Variants in ALKBH3 observed in about 807,000 individuals in gnomAD.
ALKBH3 encodes the protein alpha-ketoglutarate-dependent dioxygenase alkB homolog 3.
ALKBH3 carries 51 observed loss-of-function variants against 43.9 expected under a neutral mutation model. The ratio of observed to expected loss-of-function variants is 1.16; its 90% CI spans 0.93 to 1.47. The LOEUF (loss-of-function observed/expected upper bound fraction) is 1.47. Among genes scored for constraint, ALKBH3 ranks in the 40% most tolerant of loss-of-function variants. The pLI, the probability that ALKBH3 is intolerant of heterozygous loss-of-function variation, is 0.00. For synonymous variants in ALKBH3, 102 were observed against 115.2 expected, an observed-to-expected ratio of 0.89 and a Z score of 0.73; for missense variants, 361 against 351.9, an observed-to-expected ratio of 1.03 and a Z score of -0.21.
Position 43,908,451 on chromosome 11 carries a change from G to A in ALKBH3, c.669+6726G>A, listed in dbSNP as rs34581514. Among the ~76,000 whole-genome samples, 1,493 of 152,342 alleles carry A rather than the reference G, an allele frequency of 9.8e-3. 12 individuals are homozygous for A. The highest frequency in any genetic ancestry group is 0.014 in the Middle Eastern group (4 of 294). On this transcript the variant is annotated intron_variant, in intron 8 of 9. Transcript: ENST00000302708. ...GTGACTGGGCTCAGCTGGAGGTGAGGTATGGCGGAATGTGTTCTCATATGC... is the reference window on the plus strand; with the variant it reads ...GTGACTGGGCTCAGCTGGAGGTGAGATATGGCGGAATGTGTTCTCATATGC...
intron 7 of ALKBH3, among the ~76,000 whole-genome samples, chr11:43,895,696 A>G (rs1314057857): frequency 1.3e-5 from 2 of 152,234 alleles, no homozygotes; most frequent in African/African-American, 2.4e-5. Flanking sequence ...CTAAGTCTGT[A>G]TGGTATTTTC....
chr11:43,902,519 C>G (rs1951870195), intron 8 of ALKBH3, among the ~76,000 whole-genome samples: 2 of 152,208 alleles, frequency 1.3e-5, no homozygotes, highest in Admixed American at 1.3e-4. Flanking sequence ...TCTTCCTAAC[C>G]AGCATTCCTG....
At chr11:43,886,528 C>T in intron 4 of ALKBH3, 78 bp from the exon 5 acceptor site, 1 of 1,460,466 alleles carries the variant, frequency 6.8e-7, no homozygotes, top group African/African-American at 1.4e-5. Flanking sequence ...TTTGGCAGTT[C>T]AGAAGGATAA....
chr11:43,916,679 A>T (rs935019281), intron 8 of ALKBH3: 2 of 152,172 alleles, frequency 1.3e-5, no homozygotes, highest in African/African-American at 4.8e-5. Context: ...CTGTGTTTCC[A>T]CTGTTGCTTA....
At chr11:43,910,085 C>G (rs1052020370) in intron 8 of ALKBH3, 2 of 152,244 alleles carry the variant, frequency 1.3e-5, no homozygotes, top group African/African-American at 4.8e-5. Context: ...TTTTCTTCCT[C>G]TGAAATACTG....
intron 8 of ALKBH3, among the ~76,000 whole-genome samples, chr11:43,907,411 C>A (rs902125543): frequency 6.6e-6 from 1 of 152,184 alleles, no homozygotes; most frequent in Non-Finnish European, 1.5e-5. Context: ...TCCCAGTTTT[C>A]TATTACTAGT....
intron 6 of ALKBH3, among the ~76,000 whole-genome samples, chr11:43,891,834 T>C (rs1237529765): frequency 6.6e-6 from 1 of 152,216 alleles, no homozygotes; most frequent in Non-Finnish European, 1.5e-5. Flanking sequence ...CCTTTGCCCA[T>C]GTGGTGTCTG....
At chr11:43,901,408 C>A in intron 7 of ALKBH3, 108 bp from the exon 8 acceptor site, 1 of 1,256,748 alleles carries the variant, frequency 8.0e-7, no homozygotes, top group East Asian at 2.4e-5. Flanking sequence ...ATTACATGCC[C>A]TGGTTATAAC....
In ALKBH3 at chr11:43,883,403, G is replaced by A. The variant is rs532599143; in HGVS notation, c.183+215G>A. On this transcript the variant is annotated intron_variant, in intron 3 of 9. Transcript: ENST00000302708. ...CAGTTTATGGTCACATGTTATTCCC[G>A]TATTTTTGGCAAGGAGGTTACACCA... is the stretch of plus-strand genomic sequence containing the variant. Among the ~76,000 whole-genome samples the A allele has an allele frequency of 6.6e-5, 10 of 152,278 alleles. No individual in the cohort carries two copies. The East Asian group carries it at 7.7e-4, about 12-fold the overall frequency.
intron 8 of ALKBH3, among the ~76,000 whole-genome samples, chr11:43,912,740 T>G (rs1951949729): frequency 1.3e-5 from 2 of 152,252 alleles, no homozygotes; most frequent in African/African-American, 4.8e-5. Flanking sequence ...TTTAAAATCA[T>G]GGCATTTATT....
At chr11:43,883,340 T>C in intron 3 of ALKBH3, 152 bp downstream of exon 3, 1 of 628,378 alleles carries the variant, frequency 1.6e-6, no homozygotes, top group South Asian at 2.0e-5. Flanking sequence ...AATATTTCAG[T>C]TCCTTTCTAT....
chr11:43,913,632 G>A (rs1276326370), intron 8 of ALKBH3, among the ~76,000 whole-genome samples: 1 of 152,216 alleles, frequency 6.6e-6, no homozygotes, highest in Non-Finnish European at 1.5e-5. Context: ...TGAAGATGAA[G>A]TAGCACTTGT....
At chr11:43,908,655 C>T (rs1951913961) in intron 8 of ALKBH3, among the ~76,000 whole-genome samples, 1 of 152,232 alleles carries the variant, frequency 6.6e-6, no homozygotes, top group Non-Finnish European at 1.5e-5. Context: ...ACAGCTACAA[C>T]TGTGAGTGTA....
At chr11:43,896,117 G>T (rs1333103786) in intron 7 of ALKBH3, among the ~76,000 whole-genome samples, 1 of 152,114 alleles carries the variant, frequency 6.6e-6, no homozygotes, top group Non-Finnish European at 1.5e-5. Flanking sequence ...CCTCATAAAT[G>T]AGTGACGTGA....
chr11:43,899,115 A>T (rs1951841845), intron 7 of ALKBH3: 3 of 770,148 alleles, frequency 3.9e-6, no homozygotes, highest in Non-Finnish European at 7.2e-6. Context: ...TGTCTTTAAC[A>T]TCTATCACTC....
chr11:43,889,046 G>A (rs1327921020), intron 5 of ALKBH3, among the ~76,000 whole-genome samples: 2 of 150,544 alleles, frequency 1.3e-5, no homozygotes, highest in East Asian at 1.9e-4. Context: ...TTCTTTTTTC[G>A]AGATGGAGTT....
chr11:43,898,897 G>A (rs1036372094), intron 7 of ALKBH3: 10 of 753,002 alleles, frequency 1.3e-5, no homozygotes, highest in Non-Finnish European at 2.0e-5. Context: ...AGTGGAGAGT[G>A]CATGTGCAAA....
chr11:43,889,165 C>A (rs1328650673), intron 5 of ALKBH3, among the ~76,000 whole-genome samples: 1 of 152,174 alleles, frequency 6.6e-6, no homozygotes, highest in Non-Finnish European at 1.5e-5. Flanking sequence ...GTAGTTGGAA[C>A]TACAGGCATG....
intron 7 of ALKBH3, chr11:43,898,291 G>C: frequency 1.4e-6 from 1 of 736,100 alleles, no homozygotes; most frequent in African/African-American, 1.7e-5. Context: ...ATGTGCATGG[G>C]ATTTTAATAT....
Sources: gnomAD v4.1 joint callset for allele counts (sites outside exome capture counted in the v4.1 genomes callset) on GRCh38, gnomAD v4.1.1 for gene constraint, MANE v1.5 for transcripts, NCBI Gene and HGNC (gene_info 2026-07-23, HGNC 2026-07-21) for gene names.